The following PGBD5 variants were observed in gnomAD, a reference collection of about 807,000 sequenced individuals.
The protein encoded by PGBD5 is piggyBac transposable element derived 5.
Under a neutral mutation model 47.9 loss-of-function variants are expected in PGBD5, and 14 were observed. The observed-to-expected ratio is 0.29, with a 90% confidence interval of 0.19 to 0.46. The LOEUF is 0.46. Ranked by LOEUF, PGBD5 falls within the 20% of genes least tolerant of loss-of-function variation. PGBD5 has a pLI of 1.00. For synonymous variants in PGBD5, 316 were observed against 306.3 expected (o/e 1.03, Z -0.33); for missense variants, 635 against 716.0 (o/e 0.89, Z 1.29).
At chr1:230,398,804 A>G (rs1657065293) in intron 1 of PGBD5, among the ~76,000 whole-genome samples, 1 of 152,138 alleles carries the variant, frequency 6.6e-6, no homozygotes, top group Non-Finnish European at 1.5e-5. Context: ...CTCAGTCCTC[A>G]GCACCACCTC....
At chr1:230,403,754 C>A (rs574936470) in intron 1 of PGBD5, among the ~76,000 whole-genome samples, 1 of 152,322 alleles carries the variant, frequency 6.6e-6, no homozygotes, top group East Asian at 1.9e-4. Flanking sequence ...GCCCACTAAC[C>A]CCATCAGTGC....
intron 1 of PGBD5, among the ~76,000 whole-genome samples, chr1:230,362,834 G>A (rs923837240): frequency 6.6e-5 from 10 of 152,108 alleles, no homozygotes; most frequent in East Asian, 1.9e-4. Flanking sequence ...GGGAAGCATT[G>A]GGTCTCTATG....
chr1:230,351,234 CT>C, intron 2 of PGBD5, 142 bp from the exon 3 acceptor site: 1 of 904,464 alleles, frequency 1.1e-6, no homozygotes, highest in Non-Finnish European at 1.6e-6. Context: ...GATCCTGACC[CT>C]TCTTATCTAT....
rs181273794 is a variant in PGBD5, at chr1:230,382,856, G to T, written c.332-25535C>A. 2.3e-3 allele frequency among the ~76,000 whole-genome samples: 353 copies of T among 152,262 alleles called. 6 individuals are homozygous for T. Among genetic ancestry groups the T allele is most frequent in the Non-Finnish European group, 3.2e-4 (22 of 68,010 alleles). ...GGGGGCATGGGTCCTAGGAAAAGAGGTTATGGGATGGGGGAGAAGAGGAAT... is the reference window on the plus strand; with the variant it reads ...GGGGGCATGGGTCCTAGGAAAAGAGTTTATGGGATGGGGGAGAAGAGGAAT... On this transcript the variant is annotated intron_variant, in intron 1 of 6. Coordinates refer to ENST00000391860, the MANE Select transcript of PGBD5 (RefSeq NM_001258311.2).
At chr1:230,419,390 G>C (rs1297914199) in intron 1 of PGBD5, among the ~76,000 whole-genome samples, 1 of 118,520 alleles carries the variant, frequency 8.4e-6, no homozygotes, top group Non-Finnish European at 1.7e-5. Flanking sequence ...GGCAAAAATA[G>C]ATACTGGGGA....
At chr1:230,343,468 T>A (rs1363773635) in intron 3 of PGBD5, among the ~76,000 whole-genome samples, 1 of 152,242 alleles carries the variant, frequency 6.6e-6, no homozygotes, top group Non-Finnish European at 1.5e-5. Context: ...GTGGGTGGAT[T>A]AACTTCATTC....
intron 1 of PGBD5, among the ~76,000 whole-genome samples, chr1:230,422,576 C>G (rs111973032): frequency 6.6e-6 from 1 of 152,248 alleles, no homozygotes; most frequent in South Asian, 2.1e-4. Context: ...ACAAGCATAG[C>G]GTGTGCATTT....
At position 230,321,176 on chromosome 1, in the gene PGBD5, C is replaced by T. The variant is rs920440434; in HGVS notation, c.*2249G>A. ...CAGGCACCTCAAATACAACTGCACT[C>T]ATACAACTGCAACATCAAGAGGTAT... On this transcript the variant is annotated 3_prime_UTR_variant, in exon 7 of 7. Coordinates refer to ENST00000391860, the MANE Select transcript of PGBD5 (RefSeq NM_001258311.2). 2.0e-5 allele frequency: 3 copies of T among 152,242 alleles called. No homozygotes were observed. The highest frequency in any genetic ancestry group is 7.2e-5 in the African/African-American group (3 of 41,464). The allele number at this position is 152,242 out of a possible 1,614,324, so 9.4% of individuals were successfully genotyped here.
chr1:230,358,596 C>G (rs550443740), intron 1 of PGBD5, among the ~76,000 whole-genome samples: 4 of 152,156 alleles, frequency 2.6e-5, no homozygotes, highest in South Asian at 4.1e-4. Flanking sequence ...TCCCCGCCCC[C>G]CCACAAGATG....
intron 1 of PGBD5, among the ~76,000 whole-genome samples, chr1:230,419,150 A>C (rs565177193): frequency 6.6e-6 from 1 of 152,350 alleles, no homozygotes; most frequent in South Asian, 2.1e-4. Context: ...AAGACACAGA[A>C]TCAACCCAGG....
chr1:230,343,336 T>C (rs754895653), intron 3 of PGBD5, among the ~76,000 whole-genome samples: 4 of 152,198 alleles, frequency 2.6e-5, no homozygotes, highest in African/African-American at 7.2e-5. Context: ...GTCTGTGCAG[T>C]TGAAGAGTCG....
chr1:230,337,686 A>G (rs1258980256), intron 3 of PGBD5, among the ~76,000 whole-genome samples: 1 of 152,194 alleles, frequency 6.6e-6, no homozygotes, highest in Non-Finnish European at 1.5e-5. Context: ...CAGCTTCTTA[A>G]TTTACAAGGT....
At chr1:230,415,778 T>A (rs1243306008) in intron 1 of PGBD5, among the ~76,000 whole-genome samples, 1 of 152,208 alleles carries the variant, frequency 6.6e-6, no homozygotes, top group Non-Finnish European at 1.5e-5. Flanking sequence ...TATGCAATGA[T>A]CATCTTTGGT....
chr1:230,417,963 C>T (rs1657554880), intron 1 of PGBD5, among the ~76,000 whole-genome samples: 1 of 152,112 alleles, frequency 6.6e-6, no homozygotes, highest in South Asian at 2.1e-4. Flanking sequence ...GTGCTTTTGC[C>T]CCCCCAGGGG....
In PGBD5 at chr1:230,316,791, A is replaced by G. The variant is rs1314716520; in HGVS notation, c.*6634T>C. 1 of 152,146 alleles carries G rather than the reference A, an allele frequency of 6.6e-6. No homozygotes were observed. Among genetic ancestry groups the G allele is most frequent in the Non-Finnish European group, 1.5e-5 (1 of 68,046 alleles). The allele number at this position is 152,146 out of a possible 1,614,324, so 9.4% of individuals were successfully genotyped here. On this transcript the variant is annotated 3_prime_UTR_variant, in exon 7 of 7. Coordinates refer to ENST00000391860, the MANE Select transcript of PGBD5 (RefSeq NM_001258311.2). ...AAGACACTGTGGAAATGAAAGGAAT[A>G]AACTTATTCATGTTTAAGAGCTAGA...
chr1:230,325,448 C>T, intron 5 of PGBD5, 33 bp from the exon 6 acceptor site: 1 of 1,488,226 alleles, frequency 6.7e-7, no homozygotes, highest in Non-Finnish European at 9.3e-7. Flanking sequence ...GCCCCTTCCT[C>T]AGCACCTCCT....
chr1:230,380,946 C>T (rs1168616753), intron 1 of PGBD5, among the ~76,000 whole-genome samples: 3 of 152,216 alleles, frequency 2.0e-5, no homozygotes, highest in African/African-American at 4.8e-5. Context: ...CCTGTGGACA[C>T]GGATGGCTCT....
intron 5 of PGBD5, 87 bp from the exon 6 acceptor site, chr1:230,325,502 C>T (rs921047373): frequency 2.5e-5 from 22 of 883,822 alleles, no homozygotes; most frequent in Non-Finnish European, 3.8e-5. Context: ...TCCAGCTTAG[C>T]TGCTCCCAAC....
intron 1 of PGBD5, among the ~76,000 whole-genome samples, chr1:230,417,274 T>C (rs1012649275): frequency 1.3e-5 from 2 of 152,018 alleles, no homozygotes; most frequent in African/African-American, 2.4e-5. Context: ...TCATTTTCCC[T>C]CCTCCTTCCT....
Sources: allele counts gnomAD v4.1 joint callset (sites outside exome capture counted in the v4.1 genomes callset), GRCh38; gene constraint gnomAD v4.1.1; transcripts MANE v1.5; gene names NCBI Gene and HGNC (gene_info 2026-07-23, HGNC 2026-07-21).